The following KIAA1958 variants were observed in gnomAD, a reference collection of about 807,000 sequenced individuals.
KIAA1958 encodes KIAA1958, also known as uncharacterized protein KIAA1958.
In KIAA1958, 14 loss-of-function variants were observed where a neutral mutation model predicts 47.2. The observed-to-expected ratio is 0.30, with a 90% confidence interval of 0.20 to 0.46. The LOEUF (loss-of-function observed/expected upper bound fraction) is 0.46, where lower values mean the gene tolerates loss of function less well. Ranked by LOEUF, KIAA1958 falls within the 20% of genes least tolerant of loss-of-function variation. KIAA1958 has a pLI of 1.00. For synonymous variants in KIAA1958, 354 were observed against 353.3 expected (o/e 1.00, Z -0.02); for missense variants, 803 against 909.2 (o/e 0.88, Z 1.50).
intron 2 of KIAA1958, among the ~76,000 whole-genome samples, chr9:112,607,900 T>A (rs958630078): frequency 6.6e-6 from 1 of 152,052 alleles, no homozygotes; most frequent in Non-Finnish European, 1.5e-5. Flanking sequence ...TGAGTATGAG[T>A]GGAGAATTTT....
In KIAA1958 at chr9:112,558,335, TATTA is replaced by T. The variant is rs943519027; in HGVS notation, c.-24-15718_-24-15715del. On this transcript the variant is annotated intron_variant, in intron 1 of 3. Coordinates refer to ENST00000337530, the MANE Select transcript of KIAA1958 (RefSeq NM_133465.4). Reference sequence around the variant, plus strand: ...GCTACAGTAATTTTAAATGGTGTAGTATTAATTGTAAAATAGATAAGTAGATTGA... The same window carrying T: ...GCTACAGTAATTTTAAATGGTGTAGTATTGTAAAATAGATAAGTAGATTGA... 2.0e-3 allele frequency among the ~76,000 whole-genome samples: 243 copies of T among 119,240 alleles called. 1 individual carries two copies. Among genetic ancestry groups the T allele is most frequent in the African/African-American group, 8.0e-3 (240 of 30,054 alleles). 78.2% of individuals were successfully genotyped at this position (119,240 alleles called of 152,430 possible). A position where few individuals can be genotyped will look rare whatever the true frequency, so the allele number is the denominator to read the frequency against.
chr9:112,639,232 A>T (rs188253864), intron 2 of KIAA1958, among the ~76,000 whole-genome samples: 1 of 152,244 alleles, frequency 6.6e-6, no homozygotes, highest in East Asian at 1.9e-4. Context: ...CATGTATTGC[A>T]TTTAGTTATA....
chr9:112,522,199 G>A (rs555442928), intron 1 of KIAA1958, among the ~76,000 whole-genome samples: 1 of 152,182 alleles, frequency 6.6e-6, no homozygotes, highest in Admixed American at 6.5e-5. Context: ...TCGAACTCCC[G>A]ACCTCAGGTG....
chr9:112,597,222 C>T (rs977947238), intron 2 of KIAA1958, among the ~76,000 whole-genome samples: 1 of 152,210 alleles, frequency 6.6e-6, no homozygotes, highest in Admixed American at 6.5e-5. Context: ...TGTTGGCTCT[C>T]TGTGATTACT....
In KIAA1958 at chr9:112,561,594, C is replaced by G. The variant is rs568051989; in HGVS notation, c.-24-12463C>G. ...CTCGGGCTGGGTGCAGTGGCTCACC[C>G]CTGTAATCCCAGCACTCTGGGAGGC... On this transcript the variant is annotated intron_variant, in intron 1 of 3. Transcript: ENST00000337530. Among the ~76,000 whole-genome samples the G allele has an allele frequency of 5.3e-5, 8 of 152,222 alleles. No individual in the cohort carries two copies. The South Asian group carries it at 1.5e-3, about 28-fold the overall frequency.
At chr9:112,591,670 A>T (rs1391905365) in intron 2 of KIAA1958, among the ~76,000 whole-genome samples, 2 of 151,872 alleles carry the variant, frequency 1.3e-5, no homozygotes, top group African/African-American at 4.8e-5. Context: ...AGATTGGAGG[A>T]TCGCTTGAGC....
intron 3 of KIAA1958, among the ~76,000 whole-genome samples, chr9:112,654,760 A>G (rs1256031446): frequency 7.2e-5 from 11 of 151,956 alleles, no homozygotes; most frequent in Non-Finnish European, 1.5e-4. Context: ...AAGTTATTTT[A>G]ACTGGTTATC....
intron 2 of KIAA1958, among the ~76,000 whole-genome samples, chr9:112,581,628 A>C (rs942587935): frequency 6.6e-6 from 1 of 152,190 alleles, no homozygotes; most frequent in South Asian, 2.1e-4. Flanking sequence ...TCATCCAGGA[A>C]GTGAACCTTG....
chr9:112,552,478 C>T (rs1366736508), intron 1 of KIAA1958, among the ~76,000 whole-genome samples: 5 of 152,190 alleles, frequency 3.3e-5, no homozygotes, highest in African/African-American at 9.7e-5. Flanking sequence ...GGGAACCAGG[C>T]CTGTGCCAGG....
chr9:112,643,943 G>A (rs1038959757), intron 2 of KIAA1958, among the ~76,000 whole-genome samples: 13 of 152,050 alleles, frequency 8.5e-5, no homozygotes, highest in East Asian at 7.7e-4. Flanking sequence ...TTTGGGAGGC[G>A]GAGGTGGGCA....
At chr9:112,492,756 TTTTG>T (rs1330743011) in intron 1 of KIAA1958, among the ~76,000 whole-genome samples, 5 of 152,138 alleles carry the variant, frequency 3.3e-5, no homozygotes, top group East Asian at 1.9e-4. Context: ...AAAATCCTTT[TTTTG>T]TTTGTTTGAG....
At position 112,590,459 on chromosome 9, in the gene KIAA1958, C is replaced by G. The variant is rs182531735; in HGVS notation, c.1171+15208C>G. 9.2e-5 allele frequency among the ~76,000 whole-genome samples: 14 copies of G among 151,456 alleles called. No homozygotes were observed. The East Asian group carries it at 2.7e-3, about 30-fold the overall frequency. ...CTCCCCCTCCCGGGTTCAAGTGATTCTCCTGCCTCAGCCTCCTGAGTAGCT... is the reference window on the plus strand; with the variant it reads ...CTCCCCCTCCCGGGTTCAAGTGATTGTCCTGCCTCAGCCTCCTGAGTAGCT... On this transcript the variant is annotated intron_variant, in intron 2 of 3. Transcript: ENST00000337530.
At chr9:112,530,813 A>C (rs1834739615) in intron 1 of KIAA1958, among the ~76,000 whole-genome samples, 1 of 152,232 alleles carries the variant, frequency 6.6e-6, no homozygotes, top group Non-Finnish European at 1.5e-5. Context: ...TAGTCTAAAA[A>C]AAGGACTCCA....
At chr9:112,613,875 A>G (rs764610539) in intron 2 of KIAA1958, among the ~76,000 whole-genome samples, 1 of 152,214 alleles carries the variant, frequency 6.6e-6, no homozygotes, top group Non-Finnish European at 1.5e-5. Flanking sequence ...GGCTGAATGC[A>G]TGATTTCCTG....
At chr9:112,577,701 C>G (rs1249942783) in intron 2 of KIAA1958, among the ~76,000 whole-genome samples, 3 of 151,462 alleles carry the variant, frequency 2.0e-5, no homozygotes, top group Non-Finnish European at 4.4e-5. Context: ...GTAAATGAGG[C>G]ACTGAGGCGC....
intron 3 of KIAA1958, among the ~76,000 whole-genome samples, chr9:112,650,309 A>G (rs1457984267): frequency 6.6e-6 from 1 of 152,164 alleles, no homozygotes; most frequent in Non-Finnish European, 1.5e-5. Flanking sequence ...AGGATCTCAC[A>G]AAGGAATGCA....
intron 1 of KIAA1958, among the ~76,000 whole-genome samples, chr9:112,511,603 A>G (rs1005804922): frequency 7.2e-5 from 11 of 152,266 alleles, no homozygotes; most frequent in African/African-American, 2.4e-4. Flanking sequence ...AATAAACTCA[A>G]TGACCTCAGG....
chr9:112,668,773 C>G lies in KIAA1958; in HGVS notation c.*8704C>G, dbSNP rs1305095531. 1 of 152,212 alleles carries G rather than the reference C, an allele frequency of 6.6e-6. No individual in the cohort carries two copies. The allele number at this position is 152,212 out of a possible 1,614,324, so 9.4% of individuals were successfully genotyped here. On this transcript the variant is annotated 3_prime_UTR_variant, in exon 4 of 4. Transcript: ENST00000337530. Reference sequence around the variant, plus strand: ...TTCATTCTGAAACAGAGCAAAACATCTTCCCAAAGAGATGGAGACAATCTC... The same window carrying G: ...TTCATTCTGAAACAGAGCAAAACATGTTCCCAAAGAGATGGAGACAATCTC...
At chr9:112,549,083 G>A (rs1037166226) in intron 1 of KIAA1958, among the ~76,000 whole-genome samples, 1 of 152,162 alleles carries the variant, frequency 6.6e-6, no homozygotes, top group Admixed American at 6.5e-5. Context: ...TTTTGTTATG[G>A]CAGCTCTAGC....
Sources: gnomAD v4.1 joint callset for allele counts (sites outside exome capture counted in the v4.1 genomes callset) on GRCh38, gnomAD v4.1.1 for gene constraint, MANE v1.5 for transcripts, NCBI Gene and HGNC (gene_info 2026-07-23, HGNC 2026-07-21) for gene names.